PLCL1: variants seen among roughly 807,000 people sequenced by gnomAD.
PLCL1 encodes phospholipase C like 1 (inactive), also known as inactive phospholipase C-like protein 1.
In PLCL1, 41 loss-of-function variants were observed where a neutral mutation model predicts 84.4. The observed-to-expected ratio is 0.49, with a 90% CI of 0.38 to 0.63. The LOEUF (loss-of-function observed/expected upper bound fraction) is 0.63. Ranked by LOEUF, PLCL1 falls within the 30% of genes least tolerant of loss-of-function variation. The pLI is 0.00. For missense variants in PLCL1, 1,206 were observed against 1,367.8 expected, an observed-to-expected ratio of 0.88 and a Z score of 1.87; for synonymous variants, 490 against 488.3, an observed-to-expected ratio of 1.00 and a Z score of -0.05.
intron 1 of PLCL1, among the ~76,000 whole-genome samples, chr2:197,980,213 C>T (rs993992377): frequency 2.1e-4 from 32 of 152,154 alleles, no homozygotes; most frequent in African/African-American, 6.5e-4. Context: ...AAGGAGCAGG[C>T]GAGGTGGGAA....
chr2:197,865,614 A>C (rs1453968375), intron 1 of PLCL1, among the ~76,000 whole-genome samples: 1 of 152,174 alleles, frequency 6.6e-6, no homozygotes, highest in Non-Finnish European at 1.5e-5. Flanking sequence ...GACTTTAAAA[A>C]AGCACAAATA....
intron 5 of PLCL1, among the ~76,000 whole-genome samples, chr2:198,139,103 C>T (rs1330001208): frequency 6.6e-6 from 1 of 151,962 alleles, no homozygotes; most frequent in Non-Finnish European, 1.5e-5. Flanking sequence ...TGCTGTGAGC[C>T]AAGATCGCAC....
intron 3 of PLCL1, among the ~76,000 whole-genome samples, chr2:198,090,911 A>G (rs566053836): frequency 7.2e-5 from 11 of 152,218 alleles, no homozygotes; most frequent in Admixed American, 6.5e-4. Flanking sequence ...CGAGTGTCTG[A>G]CAGTGTCTTA....
intron 1 of PLCL1, among the ~76,000 whole-genome samples, chr2:198,015,447 T>C (rs1021880384): frequency 6.6e-6 from 1 of 152,182 alleles, no homozygotes; most frequent in Admixed American, 6.5e-5. Context: ...AAAGCAAAAG[T>C]TTTTTGACCT....
intron 1 of PLCL1, among the ~76,000 whole-genome samples, chr2:197,955,584 T>A (rs527978556): frequency 6.6e-6 from 1 of 151,874 alleles, no homozygotes; most frequent in African/African-American, 2.4e-5. Flanking sequence ...TTCCCCTCTC[T>A]GTGTCCAAGT....
chr2:197,823,359 T>C (rs1690855726), intron 1 of PLCL1, among the ~76,000 whole-genome samples: 2 of 151,864 alleles, frequency 1.3e-5, no homozygotes, highest in Admixed American at 1.3e-4. Flanking sequence ...TGTCTCTCTC[T>C]ATATATATAT....
intron 1 of PLCL1, among the ~76,000 whole-genome samples, chr2:197,924,097 G>T (rs1205320372): frequency 6.8e-6 from 1 of 147,490 alleles, no homozygotes; most frequent in South Asian, 2.3e-4. Flanking sequence ...GATGGCAGCA[G>T]TACAGTCCAG....
intron 1 of PLCL1, among the ~76,000 whole-genome samples, chr2:198,038,844 C>CA (rs11299150): frequency 0.62 from 75,060 of 120,160 alleles, 22,076 homozygotes; most frequent in Middle Eastern, 0.83. Context: ...CATTAAAGGT[C>CA]AAAAAAAAAA....
chr2:197,886,454 T>TAAAAAAAAAAAAAAA (rs1687925468), intron 1 of PLCL1, among the ~76,000 whole-genome samples: 7 of 90,528 alleles, frequency 7.7e-5, no homozygotes, highest in African/African-American at 1.1e-4. Context: ...AAAAAAAAAG[T>TAAAAAAAAAAAAAAA]AAAATTCTTC....
At chr2:197,895,230 C>G (rs1574936178) in intron 1 of PLCL1, among the ~76,000 whole-genome samples, 1 of 152,052 alleles carries the variant, frequency 6.6e-6, no homozygotes, top group African/African-American at 2.4e-5. Context: ...CCACTGACAT[C>G]TCTCCCCATC....
intron 1 of PLCL1, among the ~76,000 whole-genome samples, chr2:197,824,213 T>C (rs1198560966): frequency 6.6e-6 from 1 of 152,148 alleles, no homozygotes; most frequent in Admixed American, 6.6e-5. Context: ...AAACTCAGAC[T>C]TAAGAGACAC....
At chr2:197,978,685 G>A (rs1690037893) in intron 1 of PLCL1, among the ~76,000 whole-genome samples, 1 of 152,236 alleles carries the variant, frequency 6.6e-6, no homozygotes, top group Non-Finnish European at 1.5e-5. Context: ...AATCAGAGTT[G>A]TGAGTGATCA....
At position 198,119,369 on chromosome 2, in the gene PLCL1, T is replaced by A. The variant is rs531171341; in HGVS notation, c.3105+15433T>A. Among the ~76,000 whole-genome samples the A allele has an allele frequency of 3.9e-5, 6 of 152,110 alleles. No individual in the cohort carries two copies. In the South Asian group the frequency reaches 1.2e-3, roughly 32 times the overall value. On this transcript the variant is annotated intron_variant, in intron 5 of 5. Coordinates refer to ENST00000428675, the MANE Select transcript of PLCL1 (RefSeq NM_006226.4). ...TTAGTCTGTTAGCTTCAAGAAAAAA[T>A]GCCAAGTTCTTGACCTGGATAGAAG...
At position 198,084,434 on chromosome 2, in the gene PLCL1, C is replaced by A. The variant is rs150212353; in HGVS notation, c.917C>A (p.Ala306Asp). The stretch of plus-strand genomic sequence containing the variant: ...GTGACCGAAGAGGAATTTTGTGAAG[C>A]TTTTTGTGAACTTTGCACCAGGCCA... The part of the protein sequence containing the change: ...TRVTEEEFCE[A>D]FCELCTRPEV... The change falls in exon 2 of 6, where the codon GCT (alanine) becomes GAT (aspartate). Residue 306 changes from alanine to aspartate, a missense_variant. Coordinates refer to ENST00000428675, the MANE Select transcript of PLCL1 (RefSeq NM_006226.4). 3 of 1,614,104 alleles carry A rather than the reference C, an allele frequency of 1.9e-6. No individual in the cohort carries two copies. The Admixed American group carries it at 5.0e-5, about 27-fold the overall frequency.
chr2:198,096,685 A>C (rs1369291149), intron 3 of PLCL1, among the ~76,000 whole-genome samples: 1 of 152,180 alleles, frequency 6.6e-6, no homozygotes, highest in East Asian at 1.9e-4. Context: ...TTGTTGTTAA[A>C]AAAAGGAAAT....
intron 5 of PLCL1, among the ~76,000 whole-genome samples, chr2:198,133,692 G>C (rs1368150659): frequency 6.6e-6 from 1 of 152,066 alleles, no homozygotes; most frequent in South Asian, 2.1e-4. Context: ...GGAAATGTTT[G>C]TCTTTCTGAG....
chr2:198,026,630 A>G (rs193083641), intron 1 of PLCL1, among the ~76,000 whole-genome samples: 1 of 152,222 alleles, frequency 6.6e-6, no homozygotes, highest in Admixed American at 6.5e-5. Context: ...TATCCAATTT[A>G]TATAAGGAAC....
chr2:198,108,399 A>G (rs1223957354), intron 5 of PLCL1, among the ~76,000 whole-genome samples: 3 of 151,902 alleles, frequency 2.0e-5, no homozygotes, highest in African/African-American at 7.2e-5. Flanking sequence ...TTGTATTTCT[A>G]AAAATATTTA....
chr2:197,816,024 G>A (rs1408498782), intron 1 of PLCL1, among the ~76,000 whole-genome samples: 1 of 152,186 alleles, frequency 6.6e-6, no homozygotes, highest in Non-Finnish European at 1.5e-5. Flanking sequence ...GTTCAAGAGA[G>A]TGGGCTCCTA....
Sources: allele counts gnomAD v4.1 joint callset (sites outside exome capture counted in the v4.1 genomes callset), GRCh38; gene constraint gnomAD v4.1.1; transcripts MANE v1.5; gene names NCBI Gene and HGNC (gene_info 2026-07-23, HGNC 2026-07-21).